GABRB2: variants seen among roughly 807,000 people sequenced by gnomAD.
GABRB2 encodes the protein gamma-aminobutyric acid receptor subunit beta-2.
GABRB2 carries 16 observed loss-of-function variants against 54.7 expected under a neutral mutation model. The ratio of observed to expected loss-of-function variants is 0.29; its 90% CI spans 0.20 to 0.44. The LOEUF (loss-of-function observed/expected upper bound fraction) is 0.44. Among genes scored for constraint, GABRB2 ranks in the 20% least tolerant of loss-of-function variants. GABRB2 has a pLI of 1.00. For missense variants in GABRB2, 355 were observed against 644.0 expected, an observed-to-expected ratio of 0.55 and a Z score of 4.86; for synonymous variants, 244 against 233.8, an observed-to-expected ratio of 1.04 and a Z score of -0.40.
At chr5:161,545,058 G>A (rs1016991294) in intron 3 of GABRB2, among the ~76,000 whole-genome samples, 169 bp downstream of exon 3, 4 of 151,882 alleles carry the variant, frequency 2.6e-5, no homozygotes, top group African/African-American at 9.7e-5. Context: ...ACCAGAAAGA[G>A]TCAACTCTCT....
At chr5:161,322,390 C>G (rs1306528052) in intron 9 of GABRB2, among the ~76,000 whole-genome samples, 2 of 152,066 alleles carry the variant, frequency 1.3e-5, no homozygotes, top group Non-Finnish European at 2.9e-5. Context: ...CATGTGCCAC[C>G]ATACCCAGAT....
At chr5:161,325,867 C>T (rs1013807336) in intron 9 of GABRB2, among the ~76,000 whole-genome samples, 3 of 152,040 alleles carry the variant, frequency 2.0e-5, no homozygotes, top group Admixed American at 2.0e-4. Flanking sequence ...CCTGCCAATA[C>T]AATACCTATT....
At chr5:161,389,571 AGT>A (rs10666283) in intron 5 of GABRB2, among the ~76,000 whole-genome samples, 2,121 of 145,272 alleles carry the variant, frequency 0.015, 30 homozygotes, top group African/African-American at 0.04. Flanking sequence ...ATGTTTGTGG[AGT>A]GTGTGTGTGT....
chr5:161,322,638 G>A (rs1040265880), intron 9 of GABRB2, among the ~76,000 whole-genome samples: 1 of 151,928 alleles, frequency 6.6e-6, no homozygotes, highest in Admixed American at 6.6e-5. Flanking sequence ...TAACATTAAG[G>A]TTCTGCATGG....
chr5:161,489,909 C>A (rs1759048638), intron 3 of GABRB2, among the ~76,000 whole-genome samples: 1 of 151,690 alleles, frequency 6.6e-6, no homozygotes, highest in African/African-American at 2.4e-5. Context: ...AAAGTTAAAT[C>A]AAATGTTTCC....
At chr5:161,532,773 A>C (rs950386856) in intron 3 of GABRB2, among the ~76,000 whole-genome samples, 2 of 151,900 alleles carry the variant, frequency 1.3e-5, no homozygotes, top group Non-Finnish European at 2.9e-5. Flanking sequence ...AGAGCCAATT[A>C]AGTTAGCAGT....
At chr5:161,332,124 C>A (rs1034008463) in intron 7 of GABRB2, among the ~76,000 whole-genome samples, 3 of 143,922 alleles carry the variant, frequency 2.1e-5, no homozygotes, top group African/African-American at 5.3e-5. Context: ...CGAGATTGCG[C>A]CACTGCACTC....
chr5:161,392,535 G>T (rs1755862216), intron 5 of GABRB2, among the ~76,000 whole-genome samples: 1 of 152,100 alleles, frequency 6.6e-6, no homozygotes. Flanking sequence ...TCAGGCTTTG[G>T]GAGCAAACAG....
intron 3 of GABRB2, among the ~76,000 whole-genome samples, chr5:161,507,857 T>C (rs1321601903): frequency 1.3e-5 from 2 of 152,028 alleles, no homozygotes; most frequent in Non-Finnish European, 2.9e-5. Context: ...ACACCAACTG[T>C]TGTCAAGGAT....
intron 5 of GABRB2, among the ~76,000 whole-genome samples, chr5:161,337,283 A>G (rs1160683267): frequency 2.0e-5 from 3 of 152,196 alleles, no homozygotes; most frequent in Non-Finnish European, 2.9e-5. Context: ...GAATTACAAT[A>G]CATTTGAATT....
intron 4 of GABRB2, among the ~76,000 whole-genome samples, chr5:161,412,610 T>C (rs924629804): frequency 6.6e-6 from 1 of 152,228 alleles, no homozygotes; most frequent in Non-Finnish European, 1.5e-5. Context: ...GCCAGAGTCC[T>C]GGCTATAGCC....
At chr5:161,468,179 T>G (rs1185812426) in intron 3 of GABRB2, among the ~76,000 whole-genome samples, 4 of 152,108 alleles carry the variant, frequency 2.6e-5, no homozygotes. Context: ...AGCAGAAATG[T>G]AAAGCAAATC....
Position 161,349,006 on chromosome 5 carries a change from C to T in GABRB2, c.542-12237G>A, listed in dbSNP as rs1256531417. ...GAATTGCCAACTCTCTTCATATGCC[C>T]CTTAAATATCTATGCAAATTAATTC... On this transcript the variant is annotated intron_variant, in intron 5 of 9. Transcript: ENST00000393959. Among the ~76,000 whole-genome samples, 3 of 151,920 alleles carry T rather than the reference C, an allele frequency of 2.0e-5. No individual in the cohort carries two copies. The East Asian group carries it at 5.8e-4, about 29-fold the overall frequency.
At chr5:161,394,685 T>C (rs1326497171) in intron 5 of GABRB2, among the ~76,000 whole-genome samples, 1 of 152,092 alleles carries the variant, frequency 6.6e-6, no homozygotes, top group Non-Finnish European at 1.5e-5. Context: ...TAAAGTCCCA[T>C]ATCTGTTAAA....
intron 5 of GABRB2, among the ~76,000 whole-genome samples, chr5:161,387,423 T>C (rs1482040129): frequency 6.6e-6 from 1 of 152,152 alleles, no homozygotes; most frequent in Non-Finnish European, 1.5e-5. Flanking sequence ...GCTGAGAATA[T>C]ATCCTTTGAG....
intron 5 of GABRB2, among the ~76,000 whole-genome samples, chr5:161,361,335 T>G (rs1343587773): frequency 6.6e-6 from 1 of 152,122 alleles, no homozygotes; most frequent in African/African-American, 2.4e-5. Context: ...AATTGTTAAG[T>G]GTAACAATGG....
chr5:161,420,239 A>T (rs939837286), intron 4 of GABRB2, among the ~76,000 whole-genome samples: 1 of 152,224 alleles, frequency 6.6e-6, no homozygotes, highest in Non-Finnish European at 1.5e-5. Flanking sequence ...ATGCAAAAAA[A>T]AAATGTGGCT....
intron 6 of GABRB2, among the ~76,000 whole-genome samples, chr5:161,336,259 C>G (rs1170472872): frequency 1.3e-5 from 2 of 152,130 alleles, no homozygotes; most frequent in African/African-American, 4.8e-5. Context: ...TGAACTGCAA[C>G]TCGGGTCTCC....
chr5:161,547,416 A>C (rs1335767597), upstream of GABRB2, among the ~76,000 whole-genome samples: 1 of 152,156 alleles, frequency 6.6e-6, no homozygotes. Context: ...GGTCTCTTCT[A>C]GTAGTCAAAG....
Sources: gnomAD v4.1 joint callset for allele counts (sites outside exome capture counted in the v4.1 genomes callset) on GRCh38, gnomAD v4.1.1 for gene constraint, MANE v1.5 for transcripts, NCBI Gene and HGNC (gene_info 2026-07-23, HGNC 2026-07-21) for gene names.